The following SPATA17 variants were observed in gnomAD, a reference collection of about 807,000 sequenced individuals.
The protein encoded by SPATA17 is spermatogenesis-associated protein 17.
In SPATA17, 53 loss-of-function variants were observed where a neutral mutation model predicts 62.2. The ratio of observed to expected loss-of-function variants is 0.85; its 90% CI spans 0.68 to 1.07. The LOEUF (loss-of-function observed/expected upper bound fraction) is 1.07. SPATA17 is among the 50% of genes least tolerant of loss of function. SPATA17 has a pLI of 0.00. For synonymous variants in SPATA17, 146 were observed against 146.8 expected, an observed-to-expected ratio of 0.99 and a Z score of 0.04; for missense variants, 466 against 425.5, an observed-to-expected ratio of 1.10 and a Z score of -0.84.
At chr1:217,792,902 T>A (rs998692780) in intron 8 of SPATA17, among the ~76,000 whole-genome samples, 1 of 152,146 alleles carries the variant, frequency 6.6e-6, no homozygotes, top group African/African-American at 2.4e-5. Context: ...TAGAGGATGA[T>A]GTTCTGACTT....
At chr1:217,816,811 T>C (rs549837739) in intron 9 of SPATA17, among the ~76,000 whole-genome samples, 1 of 152,236 alleles carries the variant, frequency 6.6e-6, no homozygotes, top group South Asian at 2.1e-4. Context: ...TACATCAATA[T>C]AAGCTGTAAT....
At chr1:217,712,830 T>C (rs1671909906) in intron 5 of SPATA17, among the ~76,000 whole-genome samples, 1 of 152,048 alleles carries the variant, frequency 6.6e-6, no homozygotes, top group Non-Finnish European at 1.5e-5. Flanking sequence ...TGTTTTGGCA[T>C]CCAGAGACCA....
intron 5 of SPATA17, among the ~76,000 whole-genome samples, chr1:217,711,256 T>C (rs1280041111): frequency 2.0e-5 from 3 of 152,192 alleles, no homozygotes; most frequent in Non-Finnish European, 4.4e-5. Flanking sequence ...ATAAACATAG[T>C]ACCTTAATAG....
chr1:217,850,625 G>C, intron 9 of SPATA17: 1 of 1,592,674 alleles, frequency 6.3e-7, no homozygotes, highest in South Asian at 1.1e-5. Flanking sequence ...TCTTCACGAA[G>C]ATCTGCATTT....
chr1:217,782,272 C>A lies in SPATA17; in HGVS notation c.822C>A (p.Ala274=). ...VAEPIDELKL[A]REELRREEWL... ...AACCAATCGATGAGTTAAAGTTGGC[C>A]AGAGAGGAGCTCAGAAGAGAGGAAT... The change falls in exon 8 of 11, where the codon GCC becomes GCA. Residue 274 remains alanine (A), a synonymous_variant. Transcript: ENST00000366933. 1 of 1,611,872 alleles carries A rather than the reference C, an allele frequency of 6.2e-7. No individual in the cohort carries two copies. The highest frequency in any genetic ancestry group is 8.5e-7 in the Non-Finnish European group (1 of 1,178,788).
chr1:217,676,479 G>A (rs1670948996), intron 4 of SPATA17, among the ~76,000 whole-genome samples: 1 of 152,082 alleles, frequency 6.6e-6, no homozygotes, highest in South Asian at 2.1e-4. Flanking sequence ...AAAACATTAG[G>A]AACAATCACA....
At chr1:217,636,147 A>T (rs1057225213) in intron 1 of SPATA17, among the ~76,000 whole-genome samples, 2 of 151,486 alleles carry the variant, frequency 1.3e-5, no homozygotes, top group African/African-American at 4.9e-5. Context: ...AAAAAAAAAA[A>T]AAAGGGTGTT....
chr1:217,853,720 A>G (rs887235386), intron 9 of SPATA17, among the ~76,000 whole-genome samples: 9 of 152,184 alleles, frequency 5.9e-5, no homozygotes, highest in African/African-American at 1.9e-4. Flanking sequence ...CAATCAGTGC[A>G]TAATAGTGTT....
rs75273370 is a variant in SPATA17 at position 217,766,600 on chromosome 1, T to C, written c.520-7734T>C. Among the ~76,000 whole-genome samples the C allele has an allele frequency of 8.7e-3, 1,331 of 152,176 alleles. 9 individuals carry two copies. Among genetic ancestry groups the C allele is most frequent in the Middle Eastern group, 0.017 (5 of 294 alleles). ...CGCTATTATTTTGAACAAACTGTTC[T>C]CTATTAGATCAGTTAAGAATAATAA... is the stretch of plus-strand genomic sequence containing the variant. On this transcript the variant is annotated intron_variant, in intron 6 of 10. Coordinates refer to ENST00000366933, the MANE Select transcript of SPATA17 (RefSeq NM_138796.4).
intron 7 of SPATA17, among the ~76,000 whole-genome samples, chr1:217,777,139 A>T (rs1179013221): frequency 6.6e-6 from 1 of 152,146 alleles, no homozygotes; most frequent in Non-Finnish European, 1.5e-5. Flanking sequence ...CTATTTCATT[A>T]AAAATCTCCC....
intron 5 of SPATA17, among the ~76,000 whole-genome samples, chr1:217,698,075 C>A (rs1421482176): frequency 1.3e-5 from 2 of 152,090 alleles, no homozygotes; most frequent in Admixed American, 1.3e-4. Flanking sequence ...GAGGGCAGAT[C>A]ACCTGAGGTC....
chr1:217,842,439 T>C (rs1346395383), intron 9 of SPATA17, among the ~76,000 whole-genome samples: 1 of 152,004 alleles, frequency 6.6e-6, no homozygotes, highest in Non-Finnish European at 1.5e-5. Context: ...AGTTGTGGTG[T>C]ATTCTTTTTA....
At position 217,850,599 on chromosome 1, in the gene SPATA17, G is replaced by T; in HGVS notation, c.1006-12175G>T. On this transcript the variant is annotated intron_variant, in intron 9 of 10. Transcript: ENST00000366933. ...ACTGGGCTCCACTTCAAGGGTGATG[G>T]TCTTGCCAGTCAGGGTCTTCACGAA... The T allele has an allele frequency of 1.9e-6, 3 of 1,595,370 alleles. No individual in the cohort carries two copies. In the South Asian group the frequency reaches 3.3e-5, roughly 18 times the overall value.
chr1:217,645,892 A>G (rs1467060480), intron 1 of SPATA17, among the ~76,000 whole-genome samples: 1 of 152,164 alleles, frequency 6.6e-6, no homozygotes, highest in Non-Finnish European at 1.5e-5. Context: ...ACATTGCTTA[A>G]TCATGATCTC....
At chr1:217,861,993 A>G (rs1675905240) in intron 9 of SPATA17, among the ~76,000 whole-genome samples, 1 of 151,720 alleles carries the variant, frequency 6.6e-6, no homozygotes, top group Non-Finnish European at 1.5e-5. Flanking sequence ...ATTTATTTTC[A>G]CATGTGTTTG....
intron 6 of SPATA17, among the ~76,000 whole-genome samples, chr1:217,747,508 G>A (rs1672790600): frequency 6.6e-6 from 1 of 151,964 alleles, no homozygotes; most frequent in Non-Finnish European, 1.5e-5. Flanking sequence ...AATTATAAAA[G>A]GTTACTTTGG....
chr1:217,749,985 C>CTCTCTCTCTCTCTCTA, intron 6 of SPATA17, among the ~76,000 whole-genome samples: 5 of 12,314 alleles, frequency 4.1e-4, no homozygotes, highest in Admixed American at 9.7e-4. Flanking sequence ...CTCTCTCTCT[C>CTCTCTCTCTCTCTCTA]TATATATATA....
rs541439297 is a variant in SPATA17 at position 217,814,448 on chromosome 1, T to A, written c.1005+12598T>A. Among the ~76,000 whole-genome samples, 8 of 152,290 alleles carry A rather than the reference T, an allele frequency of 5.3e-5. No individual in the cohort carries two copies. The East Asian group carries it at 1.4e-3, about 26-fold the overall frequency. On this transcript the variant is annotated intron_variant, in intron 9 of 10. Coordinates refer to ENST00000366933, the MANE Select transcript of SPATA17 (RefSeq NM_138796.4). ...GTACACTGTGGTGGAGGACAAAATC[T>A]TTTTCTGACAGTGAGAGGTTTAATA...
chr1:217,776,280 A>G (rs1035225687), intron 7 of SPATA17, among the ~76,000 whole-genome samples: 4 of 152,134 alleles, frequency 2.6e-5, no homozygotes, highest in Non-Finnish European at 5.9e-5. Flanking sequence ...TATCATCCCA[A>G]TCAATAATTA....
Sources: allele counts gnomAD v4.1 joint callset (sites outside exome capture counted in the v4.1 genomes callset), GRCh38; gene constraint gnomAD v4.1.1; transcripts MANE v1.5; gene names NCBI Gene and HGNC (gene_info 2026-07-23, HGNC 2026-07-21).